Variants in VTCN1 observed in about 807,000 individuals in gnomAD.
VTCN1 encodes V-set domain containing T cell activation inhibitor 1.
VTCN1 carries 26 observed loss-of-function variants against 26.5 expected under a neutral mutation model. The ratio of observed to expected loss-of-function variants is 0.98; its 90% CI spans 0.72 to 1.36. The LOEUF (loss-of-function observed/expected upper bound fraction) is 1.36. Ranked by LOEUF, VTCN1 falls within the 40% of genes most tolerant of loss-of-function variation. The pLI is 0.00. For synonymous variants in VTCN1, 116 were observed against 130.7 expected, an observed-to-expected ratio of 0.89 and a Z score of 0.77; for missense variants, 298 against 337.7, an observed-to-expected ratio of 0.88 and a Z score of 0.92.
intron 2 of VTCN1, among the ~76,000 whole-genome samples, chr1:117,168,300 G>A (rs1652717835): frequency 6.6e-6 from 1 of 152,216 alleles, no homozygotes. Context: ...TGACGGTACT[G>A]AAGGGAAGTG....
In VTCN1 at chr1:117,150,309, T is replaced by C. The variant is rs555822342; in HGVS notation, c.725-2527A>G. On this transcript the variant is annotated intron_variant, in intron 4 of 5. Transcript: ENST00000369458. ...TTTTAAATATAGGAATGCTTGGCAATCACGTCTTGCCATATGGACTAAAAC... is the reference window on the plus strand; with the variant it reads ...TTTTAAATATAGGAATGCTTGGCAACCACGTCTTGCCATATGGACTAAAAC... 1.2e-3 allele frequency among the ~76,000 whole-genome samples: 180 copies of C among 152,286 alleles called. 2 individuals carry two copies. Among genetic ancestry groups the C allele is most frequent in the Non-Finnish European group, 1.7e-3 (118 of 68,024 alleles).
intron 1 of VTCN1, among the ~76,000 whole-genome samples, chr1:117,177,504 T>G (rs1332114253): frequency 6.6e-6 from 1 of 152,062 alleles, no homozygotes; most frequent in African/African-American, 2.4e-5. Flanking sequence ...ATGTGGGGCT[T>G]GAGGGGTGTG....
In VTCN1 at chr1:117,143,593, A is replaced by AG. The variant is rs1453446280; in HGVS notation, c.*1677dup. On this transcript the variant is annotated 3_prime_UTR_variant, in exon 6 of 6. Transcript: ENST00000369458. ...TGACAAACCAGGCAGACAATGGTGTAGGAAATGTATATTTAATCATTCTCT... is the reference window on the plus strand; with the variant it reads ...TGACAAACCAGGCAGACAATGGTGTAGGGAAATGTATATTTAATCATTCTCT... 1.3e-5 allele frequency: 2 copies of AG among 152,224 alleles called. No homozygotes were observed. Among genetic ancestry groups the AG allele is most frequent in the Non-Finnish European group, 2.9e-5 (2 of 68,052 alleles). The allele number at this position is 152,224 out of a possible 1,614,324, so 9.4% of individuals were successfully genotyped here.
chr1:117,168,322 G>C (rs889500712), intron 2 of VTCN1, among the ~76,000 whole-genome samples: 3 of 152,214 alleles, frequency 2.0e-5, no homozygotes, highest in Admixed American at 2.0e-4. Flanking sequence ...GGGAAGGACA[G>C]TGTGTTCAGT....
chr1:117,170,122 C>T lies in VTCN1; in HGVS notation c.82G>A (p.Gly28Ser). ...AATCACATACCTGAAATACCAAAGC[C>T]AATGATGAGTGCAATTGCTCCAGCC... ...ILAGAIALII[G>S]FGISGRHSIT... is the part of the protein sequence containing the mutation. The change falls in exon 2 of 6, where the codon GGC becomes AGC. Residue 28 changes from glycine to serine, a missense_variant. Transcript: ENST00000369458. 1 of 1,613,784 alleles carries T rather than the reference C, an allele frequency of 6.2e-7. No individual in the cohort carries two copies. Among genetic ancestry groups the T allele is most frequent in the Non-Finnish European group, 8.5e-7 (1 of 1,179,840 alleles).
intron 2 of VTCN1, among the ~76,000 whole-genome samples, chr1:117,166,520 CGA>C (rs2101504223): frequency 6.6e-6 from 1 of 151,674 alleles, no homozygotes; most frequent in Non-Finnish European, 1.5e-5. Flanking sequence ...TTTGGAAGGC[CGA>C]GGCGGGTGGA....
chr1:117,160,847 C>A (rs1299432902), intron 2 of VTCN1, among the ~76,000 whole-genome samples: 3 of 152,018 alleles, frequency 2.0e-5, no homozygotes, highest in African/African-American at 7.3e-5. Context: ...TAGACCTCTA[C>A]AAAGTAAATG....
At chr1:117,179,185 T>A (rs555910909) in intron 1 of VTCN1, among the ~76,000 whole-genome samples, 2 of 152,300 alleles carry the variant, frequency 1.3e-5, no homozygotes, top group East Asian at 3.9e-4. Context: ...TTGGGGGTCA[T>A]CCTGTGCACT....
In VTCN1 at chr1:117,146,122, C is replaced by T. The variant is rs1390394593; in HGVS notation, c.*46-897G>A. Among the ~76,000 whole-genome samples, 1 of 152,072 alleles carries T rather than the reference C, an allele frequency of 6.6e-6. No individual in the cohort carries two copies. Among genetic ancestry groups the T allele is most frequent in the East Asian group, 1.9e-4 (1 of 5,200 alleles). Reference sequence around the variant, plus strand: ...TGTAAATTATTACTCTAAGGGAATACAAGGTAAAGATGAGTCAGCTATGTT... The same window carrying T: ...TGTAAATTATTACTCTAAGGGAATATAAGGTAAAGATGAGTCAGCTATGTT... On this transcript the variant is annotated intron_variant, in intron 5 of 5. Transcript: ENST00000369458. The surrounding 1 kb of genome is among the most constrained non-coding windows in gnomAD (Gnocchi z 4.2).
chr1:117,197,852 T>C (rs1648593700), intron 1 of VTCN1, among the ~76,000 whole-genome samples: 1 of 152,172 alleles, frequency 6.6e-6, no homozygotes, highest in Non-Finnish European at 1.5e-5. Flanking sequence ...TGGCATGGCT[T>C]GTTCAAGGTT....
chr1:117,163,814 A>G (rs1026125321), intron 2 of VTCN1, among the ~76,000 whole-genome samples: 1 of 152,202 alleles, frequency 6.6e-6, no homozygotes, highest in Non-Finnish European at 1.5e-5. Context: ...CAAAACAACT[A>G]AAAACCACAA....
intron 1 of VTCN1, chr1:117,172,343 A>T (rs1652962912): frequency 1.9e-6 from 1 of 518,578 alleles, no homozygotes; most frequent in South Asian, 1.4e-5. Flanking sequence ...AGCTTTAAAT[A>T]ATAGGGCATC....
intron 1 of VTCN1, among the ~76,000 whole-genome samples, chr1:117,186,143 GT>G (rs1647932385): frequency 1.3e-5 from 2 of 152,218 alleles, no homozygotes; most frequent in South Asian, 4.1e-4. Context: ...AACTGGAAAT[GT>G]AGTTCAACAA....
intron 1 of VTCN1, chr1:117,173,364 G>T: frequency 2.5e-6 from 1 of 402,232 alleles, no homozygotes. Flanking sequence ...GGACACAGAT[G>T]AACACACACA....
In VTCN1 at chr1:117,162,954, A is replaced by G. The variant is rs529815969; in HGVS notation, c.98-6033T>C. 3.3e-5 allele frequency among the ~76,000 whole-genome samples: 5 copies of G among 152,352 alleles called. No homozygotes were observed. In the South Asian group the frequency reaches 6.2e-4, roughly 19 times the overall value. On this transcript the variant is annotated intron_variant, in intron 2 of 5. Transcript: ENST00000369458. ...AAATGACTCAGAAAGACAGGTTCGT[A>G]CATTCCAGTAGCATAGAGAGCATGC...
In VTCN1 at chr1:117,144,503, A is replaced by T. The variant is rs1937956; in HGVS notation, c.*768T>A. The T allele has an allele frequency of 0.76, 115,658 of 152,100 alleles. 44,162 individuals are homozygous for T. Among genetic ancestry groups the T allele is most frequent in the East Asian group, 0.88 (4,524 of 5,166 alleles). 9.4% of individuals were successfully genotyped at this position (152,100 alleles called of 1,614,324 possible). Reference sequence around the variant, plus strand: ...CTTGTGATGACATAATGCCATATAGACAAGGTGAAAGGTCCTTCCCTGGAC... The same window carrying T: ...CTTGTGATGACATAATGCCATATAGTCAAGGTGAAAGGTCCTTCCCTGGAC... On this transcript the variant is annotated 3_prime_UTR_variant, in exon 6 of 6. Transcript: ENST00000369458.
At chr1:117,208,964 G>A (rs1248465208) in intron 1 of VTCN1, among the ~76,000 whole-genome samples, 1 of 152,220 alleles carries the variant, frequency 6.6e-6, no homozygotes, top group Non-Finnish European at 1.5e-5. Context: ...GACAAAGGAA[G>A]AGGGTTATTA....
chr1:117,172,787 TGTAA>T, intron 1 of VTCN1, among the ~76,000 whole-genome samples: 1 of 151,866 alleles, frequency 6.6e-6, no homozygotes, highest in South Asian at 2.1e-4. Flanking sequence ...TCTGAAGGAT[TGTAA>T]ATGCACCAAT....
chr1:117,186,437 T>A (rs1485646875), intron 1 of VTCN1, among the ~76,000 whole-genome samples: 1 of 152,210 alleles, frequency 6.6e-6, no homozygotes, highest in Non-Finnish European at 1.5e-5. Flanking sequence ...GGCCCTTAAC[T>A]GGTTACAGCT....
Sources: allele counts gnomAD v4.1 joint callset (sites outside exome capture counted in the v4.1 genomes callset), GRCh38; gene constraint gnomAD v4.1.1; non-coding constraint Gnocchi (gnomAD v3.1); transcripts MANE v1.5; gene names NCBI Gene and HGNC (gene_info 2026-07-23, HGNC 2026-07-21).